MAGI3: variants seen among roughly 807,000 people sequenced by gnomAD.
MAGI3 encodes the protein membrane associated guanylate kinase, WW and PDZ domain containing 3.
MAGI3 carries 43 observed loss-of-function variants against 121.8 expected under a neutral mutation model. That is an observed-to-expected ratio of 0.35 (90% CI 0.28 to 0.46). The LOEUF (loss-of-function observed/expected upper bound fraction) is 0.46, where lower values mean the gene tolerates loss of function less well. Among genes scored for constraint, MAGI3 ranks in the 20% least tolerant of loss-of-function variants. The pLI, the probability that MAGI3 is intolerant of heterozygous loss-of-function variation, is 1.00. For missense variants in MAGI3, 1,547 were observed against 1,797.3 expected, an observed-to-expected ratio of 0.86 and a Z score of 2.52; for synonymous variants, 553 against 639.3, an observed-to-expected ratio of 0.86 and a Z score of 2.04.
chr1:113,652,801 C>T (rs1295403587), intron 14 of MAGI3, among the ~76,000 whole-genome samples: 1 of 152,136 alleles, frequency 6.6e-6, no homozygotes, highest in African/African-American at 2.4e-5. Context: ...AAAATATGCC[C>T]TTTTTAAAAA....
chr1:113,437,860 CT>C (rs60188501), intron 1 of MAGI3, among the ~76,000 whole-genome samples: 1,842 of 45,842 alleles, frequency 0.04, 106 homozygotes, highest in Non-Finnish European at 0.042. Flanking sequence ...TCTTCTTCTT[CT>C]TCCTCTTCTT....
intron 9 of MAGI3, among the ~76,000 whole-genome samples, chr1:113,623,573 C>A (rs1309555970): frequency 1.3e-5 from 2 of 151,704 alleles, no homozygotes; most frequent in South Asian, 2.1e-4. Flanking sequence ...CTGCAAACTC[C>A]GTCTCCCGGG....
chr1:113,408,064 G>A (rs557675813), intron 1 of MAGI3, among the ~76,000 whole-genome samples: 8 of 152,228 alleles, frequency 5.3e-5, no homozygotes, highest in Middle Eastern at 3.4e-3. Flanking sequence ...ATTTTAATTA[G>A]CAAATGTGCC....
intron 1 of MAGI3, among the ~76,000 whole-genome samples, chr1:113,519,118 A>G (rs1324333408): frequency 6.6e-6 from 1 of 152,086 alleles, no homozygotes. Context: ...GGCTATTAAA[A>G]TGTAATATTT....
intron 9 of MAGI3, among the ~76,000 whole-genome samples, chr1:113,639,374 C>T (rs115256829): frequency 1.3e-5 from 2 of 152,154 alleles, no homozygotes; most frequent in Non-Finnish European, 2.9e-5. Context: ...TCGGCCATCT[C>T]GGCTCCCACC....
intron 1 of MAGI3, chr1:113,403,829 GAA>G (rs1266360370): frequency 1.3e-5 from 2 of 152,170 alleles, no homozygotes; most frequent in Non-Finnish European, 2.9e-5. Flanking sequence ...AAGGAGTCTG[GAA>G]AAGACAGTTT....
At position 113,683,990 on chromosome 1, in the gene MAGI3, T is replaced by C. The variant is rs1259356793; in HGVS notation, c.4422T>C (p.Ile1474=). 12 of 1,577,334 alleles carry C rather than the reference T, an allele frequency of 7.6e-6. No homozygotes were observed. The stretch of plus-strand genomic sequence containing the variant: ...GTGGAAATAAAGTCACAGGCACTAT[T>C]GGTATGGCTGAGAAACGGCAGTAAC... ...VPSGNKVTGT[I]GMAEKRQ Residue 1474 remains isoleucine, a synonymous_variant, in exon 21 of 21, where the codon ATT becomes ATC. Coordinates refer to ENST00000307546, the MANE Select transcript of MAGI3 (RefSeq NM_001142782.2).
At position 113,463,599 on chromosome 1, in the gene MAGI3, GT is replaced by G. The variant is rs1262957963; in HGVS notation, c.316+72253del. Among the ~76,000 whole-genome samples the G allele has an allele frequency of 2.0e-5, 3 of 152,102 alleles. No individual in the cohort carries two copies. In the East Asian group the frequency reaches 5.8e-4, roughly 29 times the overall value. On this transcript the variant is annotated intron_variant, in intron 1 of 20. Transcript: ENST00000307546. Reference sequence around the variant, plus strand: ...ATTGAAGTGATGAGGCTGAAAGCCTGTTTGTGATGGATTAAAATGAGGAAGT... The same window carrying G: ...ATTGAAGTGATGAGGCTGAAAGCCTGTTGTGATGGATTAAAATGAGGAAGT...
At chr1:113,620,272 A>G (rs983728277) in intron 8 of MAGI3, among the ~76,000 whole-genome samples, 2 of 152,328 alleles carry the variant, frequency 1.3e-5, no homozygotes, top group East Asian at 1.9e-4. Context: ...ATTGAGTCTC[A>G]AATGGGATGG....
chr1:113,525,241 A>G (rs977965388), intron 1 of MAGI3, among the ~76,000 whole-genome samples: 4 of 152,306 alleles, frequency 2.6e-5, no homozygotes, highest in African/African-American at 9.6e-5. Flanking sequence ...AATTTCCTTT[A>G]TAGCTTTTTC....
At chr1:113,458,938 A>G (rs1385322482) in intron 1 of MAGI3, among the ~76,000 whole-genome samples, 1 of 152,256 alleles carries the variant, frequency 6.6e-6, no homozygotes, top group Non-Finnish European at 1.5e-5. Flanking sequence ...ATTTAACCAT[A>G]GCAAACCCAA....
rs188519501 is a variant in MAGI3 at position 113,561,805 on chromosome 1, G to A, written c.433+12174G>A. On this transcript the variant is annotated intron_variant, in intron 2 of 20. Transcript: ENST00000307546. ...AAAGAAAGAAAGCATATTCATATAG[G>A]AAGAGGAAGTCAAACTATCCCTGTT... is the stretch of plus-strand genomic sequence containing the variant. 1.7e-3 allele frequency among the ~76,000 whole-genome samples: 263 copies of A among 152,208 alleles called. 1 individual carries two copies. Among genetic ancestry groups the A allele is most frequent in the Non-Finnish European group, 3.0e-3 (203 of 67,996 alleles).
chr1:113,535,314 T>G (rs1413332907), intron 1 of MAGI3, among the ~76,000 whole-genome samples: 1 of 152,114 alleles, frequency 6.6e-6, no homozygotes, highest in African/African-American at 2.4e-5. Flanking sequence ...AAAAAACCTC[T>G]CAATAGAAAG....
Position 113,673,453 on chromosome 1 carries a change from T to C in MAGI3, c.3177T>C (p.Asp1059=). The C allele has an allele frequency of 6.2e-7, 1 of 1,612,912 alleles. No individual in the cohort carries two copies. The highest frequency in any genetic ancestry group is 8.5e-7 in the Non-Finnish European group (1 of 1,179,940). Residue 1059 remains aspartate, a synonymous_variant, in exon 19 of 21, where the codon GAT becomes GAC. Coordinates refer to ENST00000307546, the MANE Select transcript of MAGI3 (RefSeq NM_001142782.2). Reference sequence around the variant, plus strand: ...CTGAAGATGGTCCTGCCATCAAAGATGGCAGAATTCATGTGAGTTGGTTTC... The same window carrying C: ...CTGAAGATGGTCCTGCCATCAAAGACGGCAGAATTCATGTGAGTTGGTTTC... ...RLAEDGPAIK[D]GRIHVGDQIV... is the part of the protein sequence containing the mutation.
intron 14 of MAGI3, among the ~76,000 whole-genome samples, chr1:113,652,301 T>C (rs940106977): frequency 3.9e-5 from 6 of 152,246 alleles, no homozygotes; most frequent in Non-Finnish European, 7.3e-5. Context: ...TGTGTAGTTA[T>C]CTGCTGTAAG....
intron 3 of MAGI3, 171 bp downstream of exon 3, chr1:113,580,832 G>A: frequency 6.4e-6 from 3 of 466,466 alleles, no homozygotes; most frequent in South Asian, 9.3e-5. Context: ...AATTAAAATG[G>A]GATTAAATAA....
chr1:113,437,857 CTTCT>C (rs1162041851), intron 1 of MAGI3, among the ~76,000 whole-genome samples: 1 of 49,220 alleles, frequency 2.0e-5, no homozygotes, highest in African/African-American at 9.0e-5. Context: ...TCTTCTTCTT[CTTCT>C]TCCTCTTCTT....
intron 14 of MAGI3, 62 bp from the exon 15 acceptor site, chr1:113,653,768 C>T: frequency 7.2e-7 from 1 of 1,387,300 alleles, no homozygotes; most frequent in Non-Finnish European, 9.7e-7. Flanking sequence ...AGCATAAAAA[C>T]ACTTTAGTCA....
chr1:113,528,411 AT>A (rs1658553047), intron 1 of MAGI3, among the ~76,000 whole-genome samples: 1 of 151,756 alleles, frequency 6.6e-6, no homozygotes, highest in Non-Finnish European at 1.5e-5. Context: ...ATCCTTTGTA[AT>A]TCCTATAAAC....
Sources: allele counts gnomAD v4.1 joint callset (sites outside exome capture counted in the v4.1 genomes callset), GRCh38; gene constraint gnomAD v4.1.1; transcripts MANE v1.5; gene names NCBI Gene and HGNC (gene_info 2026-07-23, HGNC 2026-07-21).